Variants in ZNF433 observed in about 807,000 individuals in gnomAD.
The protein encoded by ZNF433 is zinc finger protein 433.
ZNF433 carries 12 observed loss-of-function variants against 10.6 expected under a neutral mutation model. The observed-to-expected ratio is 1.13, with a 90% CI of 0.72 to 1.83. ZNF433 has a LOEUF of 1.83. Among genes scored for constraint, ZNF433 ranks in the 40% most tolerant of loss-of-function variants. The pLI, the probability that ZNF433 is intolerant of heterozygous loss-of-function variation, is 0.00. For missense variants in ZNF433, 737 were observed against 798.0 expected (o/e 0.92, Z 0.92); for synonymous variants, 272 against 271.3 (o/e 1.00, Z -0.02).
chr19:12,029,497 C>T (rs538895770), intron 1 of ZNF433, among the ~76,000 whole-genome samples: 72 of 111,044 alleles, frequency 6.5e-4, no homozygotes, highest in Non-Finnish European at 1.0e-3. Flanking sequence ...ACTCCAGCCT[C>T]GGTGACAGAG....
chr19:12,018,458 A>T, intron 1 of ZNF433, 166 bp from the exon 2 acceptor site: 4 of 711,340 alleles, frequency 5.6e-6, no homozygotes, highest in Non-Finnish European at 8.1e-6. Context: ...CCATAAAGTA[A>T]TTCTGAGGCT....
At chr19:12,033,526 C>CA (rs891372099) in intron 1 of ZNF433, among the ~76,000 whole-genome samples, 3 of 144,180 alleles carry the variant, frequency 2.1e-5, no homozygotes, top group Non-Finnish European at 4.6e-5. Context: ...CTCAAAAAAA[C>CA]AAAAACAAAA....
intron 1 of ZNF433, chr19:12,023,675 G>C (rs2145441600): frequency 6.6e-6 from 1 of 152,256 alleles, no homozygotes. Flanking sequence ...CAATTTAACA[G>C]AGTTGGAGTT....
In ZNF433 at chr19:12,016,190, T is replaced by C; in HGVS notation, c.668A>G (p.Tyr223Cys). The C allele has an allele frequency of 6.2e-7, 1 of 1,614,232 alleles. No homozygotes were observed. The highest frequency in any genetic ancestry group is 1.1e-5 in the South Asian group (1 of 91,084). Reference protein sequence around the residue: ...HKRTHTGEKPYQCKQCGKAFS... With the variant: ...HKRTHTGEKPCQCKQCGKAFS... The stretch of plus-strand genomic sequence containing the variant: ...GGCTTTACCACACTGTTTACATTGA[T>C]ATGGTTTCTCTCCAGTGTGAGTTCG... Residue 223 changes from tyrosine (Y) to cysteine (C), a missense_variant, in exon 4 of 4, where the codon TAT (tyrosine) becomes TGT (cysteine). Coordinates refer to ENST00000550507, the MANE Select transcript of ZNF433 (RefSeq NM_001308348.2).
At chr19:12,031,574 G>A (rs1282309377) in intron 1 of ZNF433, among the ~76,000 whole-genome samples, 1 of 152,142 alleles carries the variant, frequency 6.6e-6, no homozygotes, top group African/African-American at 2.4e-5. Flanking sequence ...GACCCAGGAG[G>A]TGGAGGTTGC....
chr19:12,032,063 C>T (rs1480435945), intron 1 of ZNF433, among the ~76,000 whole-genome samples: 1 of 151,664 alleles, frequency 6.6e-6, no homozygotes, highest in African/African-American at 2.4e-5. Flanking sequence ...CTCAGCCTCC[C>T]GAGTAGCTGG....
intron 1 of ZNF433, chr19:12,026,205 C>A (rs111834033): frequency 6.4e-6 from 1 of 155,604 alleles, no homozygotes; most frequent in Non-Finnish European, 1.4e-5. Context: ...ATGAAATCAA[C>A]AGCCAATCTG....
At chr19:12,020,226 T>G (rs1477660276) in intron 1 of ZNF433, among the ~76,000 whole-genome samples, 2 of 151,990 alleles carry the variant, frequency 1.3e-5, no homozygotes, top group African/African-American at 4.8e-5. Flanking sequence ...GAGCCGAGAT[T>G]GTGCCACTGC....
rs376882241 is a variant in ZNF433, at chr19:12,014,817, C to T, written c.*28G>A. On this transcript the variant is annotated 3_prime_UTR_variant, in exon 4 of 4. Coordinates refer to ENST00000550507, the MANE Select transcript of ZNF433 (RefSeq NM_001308348.2). ...TTGAACTCCTGGGCTTAAGCAGTCC[C>T]CCCACCTCAGCCTCCTAAAGCCTGG... 9.7e-5 allele frequency: 145 copies of T among 1,497,738 alleles called. No individual in the cohort carries two copies. In the African/African-American group the frequency reaches 1.8e-3, roughly 19 times the overall value. The allele number at this position is 1,497,738 out of a possible 1,614,324, so 92.8% of individuals were successfully genotyped here. A position where few individuals can be genotyped will look rare whatever the true frequency, so the allele number is the denominator to read the frequency against.
rs1377450241 is a variant in ZNF433 at position 12,015,003 on chromosome 19, G to A, written c.1855C>T (p.Gln619Ter). 5 of 1,613,732 alleles carry A rather than the reference G, an allele frequency of 3.1e-6. No individual in the cohort carries two copies. The highest frequency in any genetic ancestry group is 4.2e-6 in the Non-Finnish European group (5 of 1,179,928). ...GGACATCCAAAAGCTTTCCCACATT[G>A]CTTACATTTATACGGTTTCTCTCCA... ...HTGEKPYKCK[Q>*]CGKAFGCPSN... Residue 619 changes from glutamine (Q) to a stop codon, truncating the protein, a stop_gained, in exon 4 of 4, where the codon CAA (glutamine) becomes TAA (stop). Transcript: ENST00000550507. LOFTEE classifies it low-confidence loss of function (END_TRUNC).
intron 1 of ZNF433, chr19:12,028,001 C>T (rs540650967): frequency 2.6e-5 from 4 of 152,308 alleles, no homozygotes; most frequent in Admixed American, 6.5e-5. Context: ...CAGGTGCATT[C>T]AGAGTGGCAT....
chr19:12,031,294 C>CAAAAAAAAAAAAAAAAAAAAACAAA (rs536658747), intron 1 of ZNF433, among the ~76,000 whole-genome samples: 1 of 36,488 alleles, frequency 2.7e-5, no homozygotes, highest in Non-Finnish European at 5.5e-5. Context: ...GACTCCATCT[C>CAAAAAAAAAAAAAAAAAAAAACAAA]AAAAAAAAAA....
At position 12,015,428 on chromosome 19, in the gene ZNF433, C is replaced by A. The variant is rs776304726; in HGVS notation, c.1430G>T (p.Cys477Phe). The A allele has an allele frequency of 5.0e-6, 8 of 1,614,090 alleles. No homozygotes were observed. Among genetic ancestry groups the A allele is most frequent in the Non-Finnish European group, 5.9e-6 (7 of 1,179,960 alleles). ...RMHREEKPYE[C>F]KGYGKTFSLP... The stretch of plus-strand genomic sequence containing the variant: ...ACTGAATGTTTTCCCATAACCCTTA[C>A]ATTCATACGGCTTCTCTTCTCTGTG... The change falls in exon 4 of 4, where the codon TGT becomes TTT. Residue 477 changes from cysteine to phenylalanine, a missense_variant. Transcript: ENST00000550507.
At position 12,014,896 on chromosome 19, in the gene ZNF433, AC is replaced by A. The variant is rs1225620281; in HGVS notation, c.1961del (p.Cys654PhefsTer14). The A allele has an allele frequency of 1.4e-5, 23 of 1,611,978 alleles. No individual in the cohort carries two copies. Among genetic ancestry groups the A allele is most frequent in the Non-Finnish European group, 2.0e-5 (23 of 1,178,702 alleles). ...KCNQCGKVFR[C>X]SSQLQVHGRA... is the part of the protein sequence containing the mutation. ...TTCCATGCACTTGAAGTTGTGAAGA[AC>A]ATCTAAAGACTTTACCACATTGGTT... On this transcript the variant is annotated frameshift_variant, in exon 4 of 4. Coordinates refer to ENST00000550507, the MANE Select transcript of ZNF433 (RefSeq NM_001308348.2). LOFTEE classifies it low-confidence loss of function (END_TRUNC).
At chr19:12,021,171 G>A (rs772887575) in intron 1 of ZNF433, among the ~76,000 whole-genome samples, 10 of 151,484 alleles carry the variant, frequency 6.6e-5, no homozygotes, top group African/African-American at 1.5e-4. Flanking sequence ...TAGTAGAGAC[G>A]GGGGTTTCAC....
At position 12,015,755 on chromosome 19, in the gene ZNF433, C is replaced by CA. The variant is rs1239326553; in HGVS notation, c.1102dup (p.Cys368LeufsTer15). On this transcript the variant is annotated frameshift_variant, in exon 4 of 4. Transcript: ENST00000550507. LOFTEE classifies it low-confidence loss of function (END_TRUNC). ...ACTGGGAGAATAAAAGGCTTTCCCA[C>CA]ATATCTTACATTTATGAGATATCTC... 3.7e-6 allele frequency: 6 copies of CA among 1,613,718 alleles called. No individual in the cohort carries two copies. Among genetic ancestry groups the CA allele is most frequent in the South Asian group, 1.1e-5 (1 of 90,952 alleles).
chr19:12,027,399 T>G (rs1283566323), intron 1 of ZNF433, among the ~76,000 whole-genome samples: 1 of 152,242 alleles, frequency 6.6e-6, no homozygotes. Flanking sequence ...TCTGCAGCAC[T>G]GTGACATGTT....
chr19:12,020,047 G>A lies in ZNF433; in HGVS notation c.4-1755C>T, dbSNP rs146933821. Among the ~76,000 whole-genome samples the A allele has an allele frequency of 1.0e-3, 154 of 152,254 alleles. 5 individuals carry two copies. In the South Asian group the frequency reaches 0.012, roughly 12 times the overall value. The stretch of plus-strand genomic sequence containing the variant: ...AGCACTTTGGGAGTCCGAGGTGGGC[G>A]GATGACTTGAGGTCAGGGGTTCAGG... On this transcript the variant is annotated intron_variant, in intron 1 of 3. Transcript: ENST00000550507.
intron 1 of ZNF433, among the ~76,000 whole-genome samples, chr19:12,030,804 C>T (rs1251645513): frequency 6.6e-6 from 1 of 152,174 alleles, no homozygotes; most frequent in South Asian, 2.1e-4. Context: ...AAGAGCTGGG[C>T]ATACTGGCTT....
Sources: allele counts gnomAD v4.1 joint callset (sites outside exome capture counted in the v4.1 genomes callset), GRCh38; gene constraint gnomAD v4.1.1; transcripts MANE v1.5; gene names NCBI Gene and HGNC (gene_info 2026-07-23, HGNC 2026-07-21).